RBL2: variants seen among roughly 807,000 people sequenced by gnomAD.
The protein encoded by RBL2 is RB transcriptional corepressor like 2.
A neutral mutation model predicts 126.0 loss-of-function variants in RBL2; 56 were observed. That is an observed-to-expected ratio of 0.44 (90% CI 0.36 to 0.56). The LOEUF is 0.56. Ranked by LOEUF, RBL2 falls within the 20% of genes least tolerant of loss-of-function variation. The pLI is 0.00. For missense variants in RBL2, 1,229 were observed against 1,398.2 expected, an observed-to-expected ratio of 0.88 and a Z score of 1.93; for synonymous variants, 454 against 478.5, an observed-to-expected ratio of 0.95 and a Z score of 0.67.
At chr16:53,462,077 C>G (rs1197061922) in intron 10 of RBL2, among the ~76,000 whole-genome samples, 1 of 152,072 alleles carries the variant, frequency 6.6e-6, no homozygotes, top group African/African-American at 2.4e-5. Flanking sequence ...GCTTTTTTAT[C>G]TGCAAATCTT....
At chr16:53,477,235 A>G (rs1567744646) in intron 17 of RBL2, among the ~76,000 whole-genome samples, 1 of 152,246 alleles carries the variant, frequency 6.6e-6, no homozygotes, top group Non-Finnish European at 1.5e-5. Flanking sequence ...TGTTATAATT[A>G]TTGATACAAT....
At chr16:53,440,592 C>G (rs1438936353) in intron 2 of RBL2, among the ~76,000 whole-genome samples, 1 of 151,980 alleles carries the variant, frequency 6.6e-6, no homozygotes, top group Non-Finnish European at 1.5e-5. Flanking sequence ...CTTGCTGTTT[C>G]ACCCAGGCCA....
At chr16:53,475,219 G>A (rs7184800) in intron 17 of RBL2, among the ~76,000 whole-genome samples, 46,447 of 151,808 alleles carry the variant, frequency 0.31, 7,557 homozygotes, top group Middle Eastern at 0.38. Context: ...TGTAGTTTTC[G>A]TTTTGTTTTG....
At chr16:53,484,596 A>G (rs190623042) in intron 21 of RBL2, among the ~76,000 whole-genome samples, 3 of 152,358 alleles carry the variant, frequency 2.0e-5, no homozygotes, top group Non-Finnish European at 2.9e-5. Context: ...AAGAGAACAT[A>G]TTTTATGATT....
intron 21 of RBL2, chr16:53,489,640 G>T (rs1961323635): frequency 6.6e-6 from 1 of 152,086 alleles, no homozygotes; most frequent in African/African-American, 2.4e-5. Context: ...TAATTTATTA[G>T]CTACAATGGA....
intron 3 of RBL2, among the ~76,000 whole-genome samples, chr16:53,444,628 G>A (rs982313151): frequency 1.3e-5 from 2 of 151,074 alleles, no homozygotes; most frequent in African/African-American, 4.9e-5. Context: ...CAGGTGGATT[G>A]CTTGAGGTCA....
At position 53,439,243 on chromosome 16, in the gene RBL2, A is replaced by C. The variant is rs541432990; in HGVS notation, c.371+97A>C. Reference sequence around the variant, plus strand: ...TATCTCTGTTTATCATTTTCTGAGCATTTGTACCTGTGGACTGGTGAAATT... The same window carrying C: ...TATCTCTGTTTATCATTTTCTGAGCCTTTGTACCTGTGGACTGGTGAAATT... On this transcript the variant is annotated intron_variant, in intron 2 of 21. Coordinates refer to ENST00000262133, the MANE Select transcript of RBL2 (RefSeq NM_005611.4). 5 of 1,172,532 alleles carry C rather than the reference A, an allele frequency of 4.3e-6. No homozygotes were observed. In the Admixed American group the frequency reaches 1.5e-4, roughly 34 times the overall value. 72.6% of individuals were successfully genotyped at this position (1,172,532 alleles called of 1,614,324 possible). A position where few individuals can be genotyped will look rare whatever the true frequency, so the allele number is the denominator to read the frequency against.
At chr16:53,480,321 A>AG in intron 19 of RBL2, 1 of 543,296 alleles carries the variant, frequency 1.8e-6, no homozygotes, top group East Asian at 3.1e-5. Flanking sequence ...TACAGGGCTT[A>AG]GGTCCTAGAA....
chr16:53,441,535 C>A (rs1462084708), intron 2 of RBL2, among the ~76,000 whole-genome samples: 2 of 152,004 alleles, frequency 1.3e-5, no homozygotes, highest in Admixed American at 6.6e-5. Context: ...ATGTTTTTAG[C>A]AATTAAAATG....
At chr16:53,443,563 C>T (rs1242233603) in intron 3 of RBL2, among the ~76,000 whole-genome samples, 1 of 152,154 alleles carries the variant, frequency 6.6e-6, no homozygotes, top group East Asian at 1.9e-4. Context: ...TAAGCATGCT[C>T]TGACTCAGTG....
Position 53,459,499 on chromosome 16 carries a change from A to G in RBL2, c.1228A>G (p.Lys410Glu), listed in dbSNP as rs1314900422. The G allele has an allele frequency of 3.1e-6, 5 of 1,613,350 alleles. No individual in the cohort carries two copies. The South Asian group carries it at 5.5e-5, about 18-fold the overall frequency. ...ACCACTAACTGGTGTTAGGTACATT[A>G]AGGAGAATAGCCCTTGTGTGACTCC... The part of the protein sequence containing the change: ...STPLTGVRYI[K>E]ENSPCVTPVS... The change falls in exon 9 of 22, where the codon AAG (lysine) becomes GAG (glutamate). Residue 410 changes from lysine (K) to glutamate (E), a missense_variant. Lys to Glu is a moderately conservative substitution (Grantham distance 56). Transcript: ENST00000262133.
chr16:53,461,647 T>G, intron 9 of RBL2, 94 bp from the exon 10 acceptor site: 1 of 827,094 alleles, frequency 1.2e-6, no homozygotes, highest in Admixed American at 3.0e-5. Flanking sequence ...CAGAGTGTTT[T>G]ATATTTACAT....
chr16:53,439,925 G>GCCT (rs889134993), intron 2 of RBL2, among the ~76,000 whole-genome samples: 1 of 138,850 alleles, frequency 7.2e-6, no homozygotes, highest in Non-Finnish European at 1.5e-5. Flanking sequence ...CTGCACTCCA[G>GCCT]CCTGGGCCAC....
chr16:53,437,293 A>G (rs2057968046), intron 1 of RBL2, among the ~76,000 whole-genome samples: 1 of 151,730 alleles, frequency 6.6e-6, no homozygotes, highest in Admixed American at 6.6e-5. Flanking sequence ...TATATGTGAT[A>G]CACAGATCTT....
At position 53,454,569 on chromosome 16, in the gene RBL2, C is replaced by G; in HGVS notation, c.993-87C>G. 3 of 1,241,408 alleles carry G rather than the reference C, an allele frequency of 2.4e-6. No individual in the cohort carries two copies. In the South Asian group the frequency reaches 4.7e-5, roughly 20 times the overall value. 76.9% of individuals were successfully genotyped at this position (1,241,408 alleles called of 1,614,324 possible). A position where few individuals can be genotyped will look rare whatever the true frequency, so the allele number is the denominator to read the frequency against. Reference sequence around the variant, plus strand: ...TTTAACTTTCAAAAAACTATTAGAACTTTTAGTAAATAAAAAAATGAAATA... The same window carrying G: ...TTTAACTTTCAAAAAACTATTAGAAGTTTTAGTAAATAAAAAAATGAAATA... On this transcript the variant is annotated intron_variant, in intron 7 of 21. Transcript: ENST00000262133.
chr16:53,448,420 G>A (rs978909072), intron 4 of RBL2, among the ~76,000 whole-genome samples: 2 of 152,156 alleles, frequency 1.3e-5, no homozygotes, highest in African/African-American at 4.8e-5. Flanking sequence ...GCCTCCCAAA[G>A]TGCTGGGCTT....
rs775982593 is a variant in RBL2, at chr16:53,479,194, G to A, written c.2744G>A (p.Cys915Tyr). ...EDKSFQNIMRCYRTQPQARSQ... is the reference protein window; with the variant it reads ...EDKSFQNIMRYYRTQPQARSQ... ...AAGTCCTTCCAGAACATTATGCGTTGTTATAGGACTCAGCCGCAGGCCCGG... is the reference window on the plus strand; with the variant it reads ...AAGTCCTTCCAGAACATTATGCGTTATTATAGGACTCAGCCGCAGGCCCGG... Residue 915 changes from cysteine (C) to tyrosine (Y), a missense_variant, in exon 18 of 22, where the codon TGT (cysteine) becomes TAT (tyrosine). By Grantham distance (194) the Cys-to-Tyr change is radical. Transcript: ENST00000262133. 25 of 1,613,824 alleles carry A rather than the reference G, an allele frequency of 1.5e-5. No homozygotes were observed. Among genetic ancestry groups the A allele is most frequent in the Non-Finnish European group, 2.1e-5 (25 of 1,179,880 alleles).
chr16:53,479,313 T>G, intron 18 of RBL2, 88 bp downstream of exon 18: 4 of 1,209,514 alleles, frequency 3.3e-6, no homozygotes, highest in Non-Finnish European at 4.8e-6. Context: ...TCTGTGGCCT[T>G]TTTTCCAAGA....
chr16:53,479,971 C>A lies in RBL2; in HGVS notation c.2861C>A (p.Thr954Lys). The change falls in exon 19 of 22, where the codon ACA becomes AAA. Residue 954 changes from threonine to lysine, a missense_variant. Thr to Lys is a moderately conservative substitution (Grantham distance 78, BLOSUM62 -1). Transcript: ENST00000262133. ...AGCAGAAGCCATCAGAATTCTCCAA[C>A]AGAACTAAACAAAGATAGAAGTAAG... ...SDSRSHQNSP[T>K]ELNKDRTSRD... 1 of 1,601,688 alleles carries A rather than the reference C, an allele frequency of 6.2e-7. No homozygotes were observed. Among genetic ancestry groups the A allele is most frequent in the Non-Finnish European group, 8.5e-7 (1 of 1,172,568 alleles).
Sources: gnomAD v4.1 joint callset for allele counts (sites outside exome capture counted in the v4.1 genomes callset) on GRCh38, gnomAD v4.1.1 for gene constraint, MANE v1.5 for transcripts, NCBI Gene and HGNC (gene_info 2026-07-23, HGNC 2026-07-21) for gene names.